The following TXLNB variants were observed in gnomAD, a reference collection of about 807,000 sequenced individuals.
TXLNB encodes taxilin beta.
A neutral mutation model predicts 57.4 loss-of-function variants in TXLNB; 37 were observed. The observed-to-expected ratio is 0.64, with a 90% CI of 0.50 to 0.85. TXLNB has a LOEUF of 0.85. Among genes scored for constraint, TXLNB ranks in the 40% least tolerant of loss-of-function variants. The probability of loss-of-function intolerance (pLI) is 0.00; values close to 1 mark genes in which losing one functional copy is unlikely to be tolerated. For synonymous variants in TXLNB, 302 were observed against 309.6 expected (o/e 0.98, Z 0.26); for missense variants, 848 against 825.6 (o/e 1.03, Z -0.33).
chr6:139,265,934 G>C (rs1267918064), intron 4 of TXLNB, among the ~76,000 whole-genome samples: 1 of 152,172 alleles, frequency 6.6e-6, no homozygotes, highest in Non-Finnish European at 1.5e-5. Flanking sequence ...AAAAAAGAGA[G>C]AGTCAGAGAA....
the TXLNB span, among the ~76,000 whole-genome samples, chr6:139,182,313 T>G: frequency 6.6e-6 from 1 of 152,342 alleles, no homozygotes; most frequent in South Asian, 2.1e-4. Context: ...TGGGATATGA[T>G]TTCTACCAAT....
downstream of TXLNB, among the ~76,000 whole-genome samples, chr6:139,235,622 T>C (rs1156896138): frequency 6.6e-6 from 1 of 152,076 alleles, no homozygotes; most frequent in African/African-American, 2.4e-5. Flanking sequence ...CATGCTGTTC[T>C]TATGATAGTG....
the TXLNB span, among the ~76,000 whole-genome samples, chr6:139,212,908 C>A: frequency 5.3e-5 from 8 of 152,296 alleles, 1 homozygote; most frequent in East Asian, 1.5e-3. Context: ...GTAAAGGGAT[C>A]GATTCAACAA....
At chr6:139,236,858 C>T (rs1249353369), downstream of TXLNB, among the ~76,000 whole-genome samples, 2 of 152,056 alleles carry the variant, frequency 1.3e-5, no homozygotes, top group Non-Finnish European at 2.9e-5. Flanking sequence ...CCTGATCCAC[C>T]CACCTTGGCC....
chr6:139,222,456 A>G, the TXLNB span, among the ~76,000 whole-genome samples: 30 of 152,328 alleles, frequency 2.0e-4, no homozygotes, highest in Non-Finnish European at 3.8e-4. Flanking sequence ...GCTAGTATAA[A>G]TTTTTATACA....
intron 4 of TXLNB, chr6:139,269,242 G>A (rs575303555): frequency 4.6e-5 from 7 of 152,152 alleles, no homozygotes; most frequent in African/African-American, 7.2e-5. Flanking sequence ...AGAAGACCAC[G>A]CTGTATCATT....
intron 1 of TXLNB, among the ~76,000 whole-genome samples, chr6:139,291,262 C>G (rs1054961974): frequency 1.3e-5 from 2 of 152,178 alleles, no homozygotes; most frequent in African/African-American, 4.8e-5. Flanking sequence ...AAATTGAAAA[C>G]AGTAAACATT....
At chr6:139,204,354 C>T in the TXLNB span, among the ~76,000 whole-genome samples, 2 of 152,160 alleles carry the variant, frequency 1.3e-5, no homozygotes, top group Non-Finnish European at 2.9e-5. Context: ...CTGCTCCCAG[C>T]CTAATGTCCT....
chr6:139,221,483 T>C, the TXLNB span, among the ~76,000 whole-genome samples: 1 of 151,522 alleles, frequency 6.6e-6, no homozygotes, highest in Admixed American at 6.6e-5. Flanking sequence ...TCTTTCTTTC[T>C]TTTTTTTTCT....
downstream of TXLNB, among the ~76,000 whole-genome samples, chr6:139,235,886 G>A (rs1368816053): frequency 6.6e-6 from 1 of 152,228 alleles, no homozygotes; most frequent in African/African-American, 2.4e-5. Flanking sequence ...ACAGGCAGCT[G>A]GATGTCAAGA....
the TXLNB span, among the ~76,000 whole-genome samples, chr6:139,173,293 A>G: frequency 2.0e-5 from 3 of 152,176 alleles, no homozygotes; most frequent in Admixed American, 2.0e-4. Context: ...TACACTTATA[A>G]AGTGCTTTCC....
chr6:139,164,566 GAA>G, the TXLNB span, among the ~76,000 whole-genome samples: 1 of 152,168 alleles, frequency 6.6e-6, no homozygotes, highest in African/African-American at 2.4e-5. Flanking sequence ...GATGAGGAGA[GAA>G]ATGCTGAGCA....
At chr6:139,214,287 A>G in the TXLNB span, among the ~76,000 whole-genome samples, 1,331 of 152,336 alleles carry the variant, frequency 8.7e-3, 11 homozygotes, top group African/African-American at 0.027. Flanking sequence ...ACCATGATCA[A>G]GTGGGCTTCA....
In TXLNB at chr6:139,241,392, AG is replaced by A. The variant is rs1775929396; in HGVS notation, c.*1133del. 1 of 152,234 alleles carries A rather than the reference AG, an allele frequency of 6.6e-6. No homozygotes were observed. 9.4% of individuals were successfully genotyped at this position (152,234 alleles called of 1,614,324 possible). A position where few individuals can be genotyped will look rare whatever the true frequency, so the allele number is the denominator to read the frequency against. On this transcript the variant is annotated 3_prime_UTR_variant, in exon 10 of 10. Transcript: ENST00000358430. ...GCTACAAAGGAGAAATTGGGAAGGA[AG>A]GAGCAGAAGCTTTTAGAATATAGAA...
chr6:139,238,212 G>A (rs1254763421), downstream of TXLNB, among the ~76,000 whole-genome samples: 2 of 151,986 alleles, frequency 1.3e-5, no homozygotes, highest in Non-Finnish European at 2.9e-5. Flanking sequence ...TGGCCAACAC[G>A]GTGAAACCCC....
At position 139,242,892 on chromosome 6, in the gene TXLNB, A is replaced by T. The variant is rs1468935194; in HGVS notation, c.1689T>A (p.Ala563=). The change falls in exon 10 of 10, where the codon GCT becomes GCA. Residue 563 remains alanine (A), a synonymous_variant. Transcript: ENST00000358430. ...CAGCATCACTGCCTCCTTCGGCTTC[A>T]GCCTGAGGAGTTAGGGGAGGCAGGG... ...ESPLPPLTPQ[A]EAEGGSDAEP... The T allele has an allele frequency of 6.2e-7, 1 of 1,614,152 alleles. No individual in the cohort carries two copies. Among genetic ancestry groups the T allele is most frequent in the Non-Finnish European group, 8.5e-7 (1 of 1,180,020 alleles).
chr6:139,265,052 T>C (rs538403982), intron 4 of TXLNB, among the ~76,000 whole-genome samples: 90 of 152,354 alleles, frequency 5.9e-4, no homozygotes, highest in African/African-American at 2.0e-3. Context: ...CAAAAAAACC[T>C]TGCAAGCATC....
the TXLNB span, among the ~76,000 whole-genome samples, chr6:139,213,433 A>G: frequency 6.6e-6 from 1 of 152,234 alleles, no homozygotes; most frequent in African/African-American, 2.4e-5. Context: ...AACCAATGAG[A>G]ACAAAGACAC....
chr6:139,166,959 T>G, the TXLNB span: 1 of 1,614,180 alleles, frequency 6.2e-7, no homozygotes, highest in East Asian at 2.2e-5. Context: ...GGGGGCCATG[T>G]GTTCAGAAAT....
Sources: gnomAD v4.1 joint callset for allele counts (sites outside exome capture counted in the v4.1 genomes callset) on GRCh38, gnomAD v4.1.1 for gene constraint, MANE v1.5 for transcripts, NCBI Gene and HGNC (gene_info 2026-07-23, HGNC 2026-07-21) for gene names.